The following LYST variants were observed in gnomAD, a reference collection of about 807,000 sequenced individuals.
LYST encodes lysosomal-trafficking regulator.
A neutral mutation model predicts 413.6 loss-of-function variants in LYST; 192 were observed. The observed-to-expected ratio is 0.46, with a 90% CI of 0.41 to 0.52. The LOEUF is 0.52. LYST is among the 20% of genes least tolerant of loss of function. The pLI is 0.00. For missense variants in LYST, 3,815 were observed against 4,499.9 expected (o/e 0.85, Z 4.35); for synonymous variants, 1,525 against 1,567.3 (o/e 0.97, Z 0.64).
intron 22 of LYST, among the ~76,000 whole-genome samples, chr1:235,761,764 T>C (rs1250651371): frequency 7.1e-6 from 1 of 141,792 alleles, no homozygotes; most frequent in Non-Finnish European, 1.5e-5. Flanking sequence ...GGAGTGTGAT[T>C]AAAAAAAAAA....
chr1:235,757,698 T>C lies in LYST; in HGVS notation c.6882-240A>G, dbSNP rs571551052. 1.2e-3 allele frequency among the ~76,000 whole-genome samples: 179 copies of C among 152,340 alleles called. 3 individuals are homozygous for C. The highest frequency in any genetic ancestry group is 1.6e-4 in the Non-Finnish European group (11 of 68,020). On this transcript the variant is annotated intron_variant, in intron 23 of 52. Transcript: ENST00000389793. ...TGTACATCTCTGATGTCTAATACAG[T>C]AGTCACTGTCACTTATGCTATTTAT... is the stretch of plus-strand genomic sequence containing the variant.
At chr1:235,861,487 G>A (rs1049855092) in intron 1 of LYST, among the ~76,000 whole-genome samples, 13 of 152,096 alleles carry the variant, frequency 8.5e-5, no homozygotes, top group African/African-American at 3.1e-4. Context: ...AGACAATACA[G>A]TGCCCTCAAA....
upstream of LYST, among the ~76,000 whole-genome samples, chr1:235,869,138 A>C (rs962969382): frequency 6.6e-6 from 1 of 152,232 alleles, no homozygotes; most frequent in Non-Finnish European, 1.5e-5. Context: ...AGTGAAGAAC[A>C]TGAAAAAGAA....
intron 38 of LYST, among the ~76,000 whole-genome samples, chr1:235,727,208 C>T (rs1164449177): frequency 4.0e-5 from 6 of 149,662 alleles, no homozygotes; most frequent in Non-Finnish European, 5.9e-5. Context: ...CTGTAACCTC[C>T]GCCTCCTGGG....
At chr1:235,858,371 A>G (rs1279967967) in intron 1 of LYST, among the ~76,000 whole-genome samples, 1 of 147,640 alleles carries the variant, frequency 6.8e-6, no homozygotes, top group East Asian at 2.3e-4. Flanking sequence ...CACAGTGTTC[A>G]ATGAATAGTA....
At chr1:235,783,910 C>G (rs762394778) in intron 14 of LYST, among the ~76,000 whole-genome samples, 2 of 150,814 alleles carry the variant, frequency 1.3e-5, no homozygotes, top group Non-Finnish European at 2.9e-5. Flanking sequence ...GACAGGGTCT[C>G]GCTCTGTCAC....
intron 1 of LYST, among the ~76,000 whole-genome samples, chr1:235,882,822 C>G (rs920054863): frequency 6.6e-6 from 1 of 152,196 alleles, no homozygotes; most frequent in Non-Finnish European, 1.5e-5. Flanking sequence ...TCCATCTGCA[C>G]ACATGTATTG....
At chr1:235,794,167 T>C (rs147450475) in intron 10 of LYST, among the ~76,000 whole-genome samples, 28 of 152,290 alleles carry the variant, frequency 1.8e-4, no homozygotes, top group African/African-American at 6.5e-4. Flanking sequence ...ATTAATTAGC[T>C]ACAAGTAAAC....
rs1192630606 is a variant in LYST, at chr1:235,662,164, T to C, written c.*776A>G. The C allele has an allele frequency of 6.6e-6, 1 of 152,334 alleles. No individual in the cohort carries two copies. The highest frequency in any genetic ancestry group is 2.4e-5 in the African/African-American group (1 of 41,454). The allele number at this position is 152,334 out of a possible 1,614,324, so 9.4% of individuals were successfully genotyped here. ...AAATAGCAGACTTTAAGACTTACCATTGTGTTTAAACCTCAGTGACTCAAC... is the reference window on the plus strand; with the variant it reads ...AAATAGCAGACTTTAAGACTTACCACTGTGTTTAAACCTCAGTGACTCAAC... On this transcript the variant is annotated 3_prime_UTR_variant, in exon 53 of 53. Coordinates refer to ENST00000389793, the MANE Select transcript of LYST (RefSeq NM_000081.4).
At chr1:235,755,423 GAAAAGAAAA>G (rs1666937611) in intron 25 of LYST, 46 bp downstream of exon 25, 4 of 1,417,826 alleles carry the variant, frequency 2.8e-6, no homozygotes, top group African/African-American at 3.5e-5. Context: ...GAAAAGAAAA[GAAAAGAAAA>G]AAGACAAAAG....
intron 44 of LYST, among the ~76,000 whole-genome samples, chr1:235,705,994 T>C (rs748636874): frequency 2.0e-5 from 3 of 152,094 alleles, no homozygotes; most frequent in Non-Finnish European, 4.4e-5. Flanking sequence ...GGTTTTGCCA[T>C]GTTGGCCAGG....
intron 21 of LYST, among the ~76,000 whole-genome samples, chr1:235,764,498 T>TTC (rs1553287532): frequency 1.4e-5 from 2 of 139,564 alleles, no homozygotes; most frequent in African/African-American, 5.3e-5. Flanking sequence ...TTCTTTTCTT[T>TTC]TTTTTTTTTT....
Position 235,720,905 on chromosome 1 carries a change from C to T in LYST, c.9316G>A (p.Val3106Ile), listed in dbSNP as rs572235430. Residue 3106 changes from valine to isoleucine, a missense_variant and splice_region_variant, in exon 40 of 53, where the codon GTT becomes ATT. Val to Ile is a conservative substitution (Grantham distance 29, BLOSUM62 3). Around this residue, in one of 4 missense-constraint regions of LYST, gnomAD observed 866 missense variants for 1,156.0 expected, o/e 0.75. Transcript: ENST00000389793. The part of the protein sequence containing the change: ...TLLLAFDNTK[V>I]RDDVYHNILT... ...ATATTGTGGTATACATCATCACGAA[C>T]CTAAAAGGGAAGGAGAAGAAAAAAA... The T allele has an allele frequency of 1.2e-6, 2 of 1,613,380 alleles. No individual in the cohort carries two copies. The highest frequency in any genetic ancestry group is 8.5e-7 in the Non-Finnish European group (1 of 1,179,596).
chr1:235,798,254 A>G (rs887784737), intron 10 of LYST, among the ~76,000 whole-genome samples: 2 of 152,142 alleles, frequency 1.3e-5, no homozygotes, highest in African/African-American at 4.8e-5. Flanking sequence ...CCTTGAACAG[A>G]AAAAGGACAT....
intron 1 of LYST, among the ~76,000 whole-genome samples, chr1:235,856,550 G>T (rs928348565): frequency 3.9e-5 from 6 of 152,110 alleles, no homozygotes; most frequent in Non-Finnish European, 7.4e-5. Context: ...ATTAATTTAA[G>T]ATTAAAATTA....
intron 10 of LYST, among the ~76,000 whole-genome samples, chr1:235,794,246 A>C (rs994899820): frequency 4.6e-5 from 7 of 152,242 alleles, no homozygotes; most frequent in African/African-American, 9.6e-5. Context: ...ATATCATAAA[A>C]TAGTCTGCTA....
chr1:235,870,518 G>A (rs1436604345), upstream of LYST, among the ~76,000 whole-genome samples: 2 of 152,186 alleles, frequency 1.3e-5, no homozygotes, highest in Non-Finnish European at 2.9e-5. Flanking sequence ...TGGCTCAGAA[G>A]GCTGCCTGAT....
intron 47 of LYST, among the ~76,000 whole-genome samples, chr1:235,688,288 T>G (rs559664776): frequency 6.6e-6 from 1 of 152,320 alleles, no homozygotes; most frequent in South Asian, 2.1e-4. Context: ...ATTCTAAAAA[T>G]TATTTCATCA....
intron 19 of LYST, among the ~76,000 whole-genome samples, chr1:235,771,992 G>A (rs1432161818): frequency 6.7e-6 from 1 of 148,352 alleles, no homozygotes; most frequent in African/African-American, 2.5e-5. Context: ...GGAGGCCAAG[G>A]CGGGAGGACT....
Sources: gnomAD v4.1 joint callset for allele counts (sites outside exome capture counted in the v4.1 genomes callset) on GRCh38, gnomAD v4.1.1 for gene constraint, gnomAD v4.1.1 regional missense constraint, MANE v1.5 for transcripts, NCBI Gene and HGNC (gene_info 2026-07-23, HGNC 2026-07-21) for gene names.